STAB2: variants seen among roughly 807,000 people sequenced by gnomAD.
The protein encoded by STAB2 is stabilin 2.
Under a neutral mutation model 338.1 loss-of-function variants are expected in STAB2, and 288 were observed. The ratio of observed to expected loss-of-function variants is 0.85; its 90% CI spans 0.77 to 0.94. The LOEUF is 0.94. Ranked by LOEUF, STAB2 falls within the 40% of genes least tolerant of loss-of-function variation. STAB2 has a pLI of 0.00. For missense variants in STAB2, 3,141 were observed against 3,210.1 expected (o/e 0.98, Z 0.52); for synonymous variants, 1,202 against 1,193.3 (o/e 1.01, Z -0.15).
intron 19 of STAB2, among the ~76,000 whole-genome samples, chr12:103,667,019 A>G (rs1216107108): frequency 6.6e-6 from 1 of 152,218 alleles, no homozygotes. Flanking sequence ...TATTGGTGGT[A>G]AAAAGCAAAG....
chr12:103,762,217 C>A (rs554943695), intron 66 of STAB2, 57 bp from the exon 67 acceptor site: 23 of 1,598,460 alleles, frequency 1.4e-5, no homozygotes, highest in South Asian at 1.1e-4. Context: ...CCAAGGGTTC[C>A]CCTTTTGGGG....
intron 39 of STAB2, among the ~76,000 whole-genome samples, chr12:103,711,006 C>CA (rs968261679): frequency 6.8e-4 from 103 of 151,848 alleles, no homozygotes; most frequent in African/African-American, 2.2e-3. Flanking sequence ...TCTGCACATG[C>CA]AAAAAAATCT....
At chr12:103,606,030 T>C (rs992821308) in intron 3 of STAB2, among the ~76,000 whole-genome samples, 2 of 152,114 alleles carry the variant, frequency 1.3e-5, no homozygotes, top group Non-Finnish European at 2.9e-5. Flanking sequence ...TTGTTTGTTC[T>C]ATCTGTTCTT....
chr12:103,664,583 A>G (rs1593199481), intron 18 of STAB2, among the ~76,000 whole-genome samples: 1 of 152,216 alleles, frequency 6.6e-6, no homozygotes, highest in East Asian at 1.9e-4. Flanking sequence ...TCAATAATAC[A>G]TTAGTGATTG....
intron 4 of STAB2, among the ~76,000 whole-genome samples, chr12:103,621,627 G>A (rs1165732348): frequency 6.6e-6 from 1 of 152,186 alleles, no homozygotes; most frequent in African/African-American, 2.4e-5. Flanking sequence ...AGCTACTCGG[G>A]AGGCTGAAGC....
At position 103,690,498 on chromosome 12, in the gene STAB2, C is replaced by A; in HGVS notation, c.3257C>A (p.Ser1086Tyr). The part of the protein sequence containing the change: ...TLSSSDMLAT[S>Y]LQGNFLHLAK... ...TCTTCTTCTGACATGTTGGCAACAT[C>A]TTTGCAGGGCAACTTCCTTCACTTG... Residue 1086 changes from serine (S) to tyrosine (Y), a missense_variant, in exon 30 of 69, where the codon TCT (serine) becomes TAT (tyrosine). By Grantham distance (144) the Ser-to-Tyr change is moderately radical (BLOSUM62 -2). Transcript: ENST00000388887. 2 of 1,614,124 alleles carry A rather than the reference C, an allele frequency of 1.2e-6. No homozygotes were observed. Among genetic ancestry groups the A allele is most frequent in the South Asian group, 2.2e-5 (2 of 91,082 alleles).
At chr12:103,688,368 T>C (rs544882946) in intron 28 of STAB2, among the ~76,000 whole-genome samples, 153 bp downstream of exon 28, 1 of 152,146 alleles carries the variant, frequency 6.6e-6, no homozygotes, top group African/African-American at 2.4e-5. Flanking sequence ...TGGAACCACA[T>C]GGAACACATT....
intron 5 of STAB2, among the ~76,000 whole-genome samples, chr12:103,626,892 C>G (rs1005371719): frequency 6.6e-6 from 1 of 152,160 alleles, no homozygotes. Context: ...TGGCCAGTGC[C>G]CCAGCCTGCT....
In STAB2 at chr12:103,703,568, T is replaced by C. The variant is rs80245987; in HGVS notation, c.3843+292T>C. Among the ~76,000 whole-genome samples, 977 of 152,226 alleles carry C rather than the reference T, an allele frequency of 6.4e-3. 19 individuals are homozygous for C. The South Asian group carries it at 0.067, about 10-fold the overall frequency. ...TGGTGGGGGGGAGTGGTGTGCTGTG[T>C]TGGGCAGGATTTTGGACCATGGCTT... is the stretch of plus-strand genomic sequence containing the variant. On this transcript the variant is annotated intron_variant, in intron 35 of 68. Coordinates refer to ENST00000388887, the MANE Select transcript of STAB2 (RefSeq NM_017564.10).
chr12:103,685,447 TGTGTGTGC>T, intron 27 of STAB2, among the ~76,000 whole-genome samples: 1 of 150,194 alleles, frequency 6.7e-6, no homozygotes, highest in East Asian at 2.0e-4. Flanking sequence ...TGTGTGTGTG[TGTGTGTGC>T]GCGTGCGTGT....
At position 103,715,822 on chromosome 12, in the gene STAB2, C is replaced by A. The variant is rs377237370; in HGVS notation, c.4545C>A (p.Asn1515Lys). The change falls in exon 43 of 69, where the codon AAC becomes AAA. Residue 1515 changes from asparagine (N) to lysine (K), a missense_variant. By Grantham distance (94) the Asn-to-Lys change is moderately conservative. Transcript: ENST00000388887. Reference sequence around the variant, plus strand: ...TGGCTTTTTGTTTTAAAGAAATCAACCCGTGTTTGGAGAACCATGGTGGCT... The same window carrying A: ...TGGCTTTTTGTTTTAAAGAAATCAAACCGTGTTTGGAGAACCATGGTGGCT... The part of the protein sequence containing the change: ...TGDGIVCLEI[N>K]PCLENHGGCD... 5.4e-5 allele frequency: 87 copies of A among 1,613,950 alleles called. No individual in the cohort carries two copies. The highest frequency in any genetic ancestry group is 6.9e-5 in the Non-Finnish European group (81 of 1,179,986).
At chr12:103,724,830 T>A in intron 44 of STAB2, 145 bp from the exon 45 acceptor site, 1 of 1,437,070 alleles carries the variant, frequency 7.0e-7, no homozygotes, top group Non-Finnish European at 9.3e-7. Context: ...GAAGGCAAGC[T>A]CAGGAAAAGG....
rs770787692 is a variant in STAB2, at chr12:103,750,673, A to C, written c.6533A>C (p.Asn2178Thr). The C allele has an allele frequency of 1.2e-6, 2 of 1,614,250 alleles. No homozygotes were observed. The highest frequency in any genetic ancestry group is 3.3e-5 in the Admixed American group (2 of 60,036). The change falls in exon 60 of 69, where the codon AAT becomes ACT. Residue 2178 changes from asparagine (N) to threonine (T), a missense_variant. Transcript: ENST00000388887. ...QLPIDRCLQD[N>T]GQCHADAKCV... The stretch of plus-strand genomic sequence containing the variant: ...CCCATTGACCGCTGCTTACAGGACA[A>C]TGGGCAGTGCCATGCAGACGCCAAA...
intron 9 of STAB2, among the ~76,000 whole-genome samples, chr12:103,641,401 C>T (rs1250509364): frequency 6.6e-6 from 1 of 152,184 alleles, no homozygotes; most frequent in East Asian, 1.9e-4. Context: ...GAGAACTATA[C>T]CTCCCACCAG....
At chr12:103,660,934 G>A (rs998914070) in intron 17 of STAB2, among the ~76,000 whole-genome samples, 171 bp downstream of exon 17, 7 of 152,136 alleles carry the variant, frequency 4.6e-5, no homozygotes, top group South Asian at 2.1e-4. Context: ...AACTACATGC[G>A]TGAGAGTCTG....
chr12:103,647,329 A>G (rs1440791657), intron 9 of STAB2, among the ~76,000 whole-genome samples: 1 of 148,756 alleles, frequency 6.7e-6, no homozygotes, highest in African/African-American at 2.5e-5. Flanking sequence ...GATTAACCAT[A>G]AAAAAAAAAG....
At chr12:103,762,799 C>G (rs1192142907) in intron 67 of STAB2, among the ~76,000 whole-genome samples, 6 of 152,232 alleles carry the variant, frequency 3.9e-5, no homozygotes, top group Non-Finnish European at 7.3e-5. Context: ...GGGGACAGGG[C>G]TAGGGACCCT....
intron 51 of STAB2, 40 bp from the exon 52 acceptor site, chr12:103,735,451 C>A: frequency 2.0e-6 from 3 of 1,511,826 alleles, no homozygotes; most frequent in Non-Finnish European, 2.7e-6. Flanking sequence ...CTTCTTCGGC[C>A]CAAATTTGGG....
chr12:103,590,445 G>T (rs1956778343), intron 1 of STAB2, among the ~76,000 whole-genome samples: 1 of 152,202 alleles, frequency 6.6e-6, no homozygotes, highest in South Asian at 2.1e-4. Context: ...GCTGGCTCCA[G>T]AGCAGACATT....
Sources: gnomAD v4.1 joint callset for allele counts (sites outside exome capture counted in the v4.1 genomes callset) on GRCh38, gnomAD v4.1.1 for gene constraint, MANE v1.5 for transcripts, NCBI Gene and HGNC (gene_info 2026-07-23, HGNC 2026-07-21) for gene names.